Variants in CADM2 observed in about 807,000 individuals in gnomAD.
CADM2 encodes the protein immunoglobulin superfamily member 4D.
In CADM2, 12 loss-of-function variants were observed where a neutral mutation model predicts 49.8. The observed-to-expected ratio is 0.24, with a 90% CI of 0.15 to 0.39. The LOEUF (loss-of-function observed/expected upper bound fraction) is 0.39, where lower values mean the gene tolerates loss of function less well. Among genes scored for constraint, CADM2 ranks in the 10% least tolerant of loss-of-function variants. The pLI, the probability that CADM2 is intolerant of heterozygous loss-of-function variation, is 1.00. For missense variants in CADM2, 378 were observed against 492.3 expected (o/e 0.77, Z 2.20); for synonymous variants, 214 against 175.4 (o/e 1.22, Z -1.74).
At chr3:85,475,954 A>G (rs2038958218) in intron 1 of CADM2, among the ~76,000 whole-genome samples, 1 of 151,924 alleles carries the variant, frequency 6.6e-6, no homozygotes, top group South Asian at 2.1e-4. Flanking sequence ...AATTGCACAC[A>G]AGTACTTAAA....
At chr3:85,158,922 G>T (rs1362642353) in intron 1 of CADM2, among the ~76,000 whole-genome samples, 4 of 152,078 alleles carry the variant, frequency 2.6e-5, no homozygotes, top group African/African-American at 9.7e-5. Context: ...TATTGTGTGT[G>T]TGAGAGAGAA....
chr3:85,589,239 T>G (rs1427427263), intron 1 of CADM2, among the ~76,000 whole-genome samples: 2 of 151,912 alleles, frequency 1.3e-5, no homozygotes, highest in African/African-American at 4.8e-5. Flanking sequence ...GATGTGAGAG[T>G]TCCAACCTTG....
intron 1 of CADM2, among the ~76,000 whole-genome samples, chr3:85,237,485 T>C (rs1289560494): frequency 6.6e-6 from 1 of 151,620 alleles, no homozygotes; most frequent in East Asian, 1.9e-4. Flanking sequence ...TAATGAAAAA[T>C]ATTATTTCCA....
At chr3:84,994,147 T>C (rs1047400197) in intron 1 of CADM2, among the ~76,000 whole-genome samples, 1 of 152,140 alleles carries the variant, frequency 6.6e-6, no homozygotes, top group African/African-American at 2.4e-5. Context: ...TCATGTACAC[T>C]ATATTAGAGT....
intron 1 of CADM2, among the ~76,000 whole-genome samples, chr3:85,564,464 C>T (rs910867897): frequency 6.6e-6 from 1 of 151,964 alleles, no homozygotes; most frequent in Non-Finnish European, 1.5e-5. Flanking sequence ...TAGCTAACAT[C>T]CTTAATACTT....
intron 1 of CADM2, among the ~76,000 whole-genome samples, chr3:85,266,916 C>T (rs1265675477): frequency 6.6e-6 from 1 of 151,792 alleles, no homozygotes; most frequent in Non-Finnish European, 1.5e-5. Context: ...CAGTCAACAG[C>T]AGTACTCTAA....
intron 8 of CADM2, among the ~76,000 whole-genome samples, chr3:86,004,867 A>G (rs17023806): frequency 0.028 from 4,329 of 152,306 alleles, 119 homozygotes; most frequent in African/African-American, 0.064. Context: ...TGTGCCACAC[A>G]GGAATTGCCC....
At chr3:85,303,790 A>G (rs780473921) in intron 1 of CADM2, among the ~76,000 whole-genome samples, 10 of 151,930 alleles carry the variant, frequency 6.6e-5, no homozygotes, top group African/African-American at 1.2e-4. Context: ...TTTGCCAAAA[A>G]ACATTAAATT....
chr3:85,627,751 A>G (rs1443071300), intron 1 of CADM2, among the ~76,000 whole-genome samples: 1 of 152,060 alleles, frequency 6.6e-6, no homozygotes, highest in Non-Finnish European at 1.5e-5. Flanking sequence ...GAAGGTAAAA[A>G]TATACACCAA....
intron 1 of CADM2, among the ~76,000 whole-genome samples, chr3:85,314,438 AG>A (rs1198869640): frequency 4.6e-5 from 7 of 152,158 alleles, no homozygotes; most frequent in Non-Finnish European, 8.8e-5. Flanking sequence ...TTTTCTTTCA[AG>A]GATAAACTGT....
chr3:85,952,558 A>C (rs952005004), intron 7 of CADM2, among the ~76,000 whole-genome samples: 1 of 150,764 alleles, frequency 6.6e-6, no homozygotes, highest in Non-Finnish European at 1.5e-5. Flanking sequence ...TCTCGGCTTT[A>C]TTTCAATCTC....
chr3:85,958,453 A>G (rs1473637960), intron 7 of CADM2, among the ~76,000 whole-genome samples: 2 of 151,984 alleles, frequency 1.3e-5, no homozygotes, highest in Non-Finnish European at 2.9e-5. Context: ...CTGGATATAT[A>G]CATAAAGGAA....
rs1354372786 is a variant in CADM2 at position 85,964,554 on chromosome 3, A to C, written c.970+2907A>C. ...AAACCACTGACATTTTGTGTTAGAA[A>C]CACTGGTGATTCCCCCACTCCCTCC... On this transcript the variant is annotated intron_variant, in intron 8 of 9. Coordinates refer to ENST00000383699, the MANE Select transcript of CADM2 (RefSeq NM_001167675.2). Among the ~76,000 whole-genome samples, 5 of 151,808 alleles carry C rather than the reference A, an allele frequency of 3.3e-5. No homozygotes were observed. The Admixed American group carries it at 3.3e-4, about 10-fold the overall frequency.
intron 1 of CADM2, among the ~76,000 whole-genome samples, chr3:85,148,344 C>T (rs2039816675): frequency 6.6e-6 from 1 of 152,058 alleles, no homozygotes; most frequent in African/African-American, 2.4e-5. Flanking sequence ...CAGCACACTG[C>T]CTACACTAGG....
intron 1 of CADM2, among the ~76,000 whole-genome samples, chr3:85,069,277 T>G (rs2036637205): frequency 6.6e-6 from 1 of 152,160 alleles, no homozygotes; most frequent in Admixed American, 6.5e-5. Context: ...TAATTTTAAT[T>G]TGTGACTTGG....
At chr3:85,539,872 A>T (rs62252518) in intron 1 of CADM2, among the ~76,000 whole-genome samples, 77,846 of 151,938 alleles carry the variant, frequency 0.51, 23,028 homozygotes, top group East Asian at 0.85. Flanking sequence ...TTTTAAATAC[A>T]AAGTTTGAAT....
In CADM2 at chr3:85,358,117, ATGT is replaced by A. The variant is rs546424135; in HGVS notation, c.62-368401_62-368399del. Among the ~76,000 whole-genome samples, 62 of 152,166 alleles carry A rather than the reference ATGT, an allele frequency of 4.1e-4. 1 individual carries two copies. The highest frequency in any genetic ancestry group is 1.4e-3 in the African/African-American group (60 of 41,540). On this transcript the variant is annotated intron_variant, in intron 1 of 9. Transcript: ENST00000383699. ...GGGAGACCAGCCTATGAATTGTATA[ATGT>A]TGTGTAATGAATACTGCAAATTGTA...
chr3:86,044,178 A>T (rs1736333247), intron 8 of CADM2, among the ~76,000 whole-genome samples: 1 of 152,204 alleles, frequency 6.6e-6, no homozygotes, highest in Non-Finnish European at 1.5e-5. Context: ...AAAACACAAA[A>T]AGCAACGGCA....
intron 1 of CADM2, among the ~76,000 whole-genome samples, chr3:85,590,815 T>A (rs1318622673): frequency 1.3e-5 from 2 of 151,982 alleles, no homozygotes; most frequent in Non-Finnish European, 2.9e-5. Flanking sequence ...AAAAATAATG[T>A]TAATAGAAAT....
Sources: allele counts gnomAD v4.1 joint callset (sites outside exome capture counted in the v4.1 genomes callset), GRCh38; gene constraint gnomAD v4.1.1; transcripts MANE v1.5; gene names NCBI Gene and HGNC (gene_info 2026-07-23, HGNC 2026-07-21).